The following LRRC49 variants were observed in gnomAD, a reference collection of about 807,000 sequenced individuals.
LRRC49 encodes the protein leucine-rich repeat-containing protein 49.
In LRRC49, 50 loss-of-function variants were observed where a neutral mutation model predicts 83.3. That is an observed-to-expected ratio of 0.60 (90% confidence interval 0.48 to 0.76). The LOEUF is 0.76. LRRC49 is among the 30% of genes least tolerant of loss of function. The probability of loss-of-function intolerance (pLI) is 0.00; values close to 1 mark genes in which losing one functional copy is unlikely to be tolerated. For synonymous variants in LRRC49, 286 were observed against 283.3 expected, an observed-to-expected ratio of 1.01 and a Z score of -0.10; for missense variants, 704 against 809.1, an observed-to-expected ratio of 0.87 and a Z score of 1.58.
intron 1 of LRRC49, among the ~76,000 whole-genome samples, chr15:70,872,267 C>T (rs1427278650): frequency 3.9e-5 from 6 of 152,338 alleles, no homozygotes; most frequent in Non-Finnish European, 7.3e-5. Context: ...TGGCAGCACG[C>T]GCCTGCAATC....
chr15:70,987,494 T>C (rs1308528977), intron 11 of LRRC49, among the ~76,000 whole-genome samples: 1 of 152,174 alleles, frequency 6.6e-6, no homozygotes, highest in Non-Finnish European at 1.5e-5. Context: ...CCCTTTATCA[T>C]TTTTTATTGC....
intron 14 of LRRC49, among the ~76,000 whole-genome samples, chr15:71,017,155 G>A (rs1317910410): frequency 2.0e-5 from 3 of 151,924 alleles, no homozygotes; most frequent in Admixed American, 2.0e-4. Flanking sequence ...CAAAAAGGAA[G>A]CTTAAAAATG....
At chr15:70,867,810 C>T (rs1454291549) in intron 1 of LRRC49, among the ~76,000 whole-genome samples, 1 of 152,222 alleles carries the variant, frequency 6.6e-6, no homozygotes, top group Admixed American at 6.5e-5. Flanking sequence ...CCACATCTAC[C>T]ACAATGCCTG....
intron 1 of LRRC49, chr15:70,860,170 C>A: frequency 1.5e-6 from 1 of 673,818 alleles, no homozygotes; most frequent in Non-Finnish European, 2.7e-6. Context: ...TGAACAGACG[C>A]GGCAGCCCCT....
Position 71,008,592 on chromosome 15 carries a change from G to A in LRRC49, c.1383G>A (p.Leu461=), listed in dbSNP as rs772341389. 1.8e-5 allele frequency: 29 copies of A among 1,609,754 alleles called. No individual in the cohort carries two copies. The highest frequency in any genetic ancestry group is 2.3e-5 in the Non-Finnish European group (27 of 1,176,776). Residue 461 remains leucine, a synonymous_variant, in exon 12 of 16, where the codon CTG becomes CTA. Transcript: ENST00000260382. ...AAATCGTCCAAGTGCTTCCTAAACT[G>A]AAGATTAAGTTTCCTAATTCTCTGG... ...FDEIVQVLPK[L]KIKFPNSLHL...
rs1385149428 is a variant in LRRC49 at position 71,037,127 on chromosome 15, T to TA, written c.1704-52_1704-51insA. Reference sequence around the variant, plus strand: ...TAAAGTCAACAAAAAATAGACATGTTTTAGTAAGTCTGATAAGTAACTCTC... The same window carrying TA: ...TAAAGTCAACAAAAAATAGACATGTTATTAGTAAGTCTGATAAGTAACTCTC... On this transcript the variant is annotated intron_variant, in intron 14 of 15. Coordinates refer to ENST00000260382, the MANE Select transcript of LRRC49 (RefSeq NM_017691.5). The TA allele has an allele frequency of 1.2e-5, 16 of 1,296,764 alleles. No individual in the cohort carries two copies. The Admixed American group carries it at 1.5e-4, about 12-fold the overall frequency. 80.3% of individuals were successfully genotyped at this position (1,296,764 alleles called of 1,614,324 possible).
chr15:70,989,874 G>C (rs373491892), intron 11 of LRRC49, among the ~76,000 whole-genome samples: 4 of 152,304 alleles, frequency 2.6e-5, no homozygotes, highest in South Asian at 2.1e-4. Flanking sequence ...CTGCAGGTTT[G>C]TTGGAGTTTG....
intron 11 of LRRC49, among the ~76,000 whole-genome samples, chr15:70,984,772 C>T (rs2037537907): frequency 1.8e-5 from 2 of 111,890 alleles, no homozygotes; most frequent in East Asian, 3.2e-4. Flanking sequence ...AAAGCTATCC[C>T]TCCCCCCTCC....
chr15:70,892,567 C>G, upstream of LRRC49: 1 of 1,490,244 alleles, frequency 6.7e-7, no homozygotes, highest in Non-Finnish European at 8.9e-7. Context: ...TAAAGAGGAA[C>G]GGACCGGAAG....
intron 14 of LRRC49, among the ~76,000 whole-genome samples, chr15:71,032,710 G>A (rs1443816438): frequency 1.3e-5 from 2 of 151,908 alleles, no homozygotes; most frequent in Non-Finnish European, 2.9e-5. Flanking sequence ...GTTCAACATA[G>A]GCAAATCAAT....
At chr15:71,001,988 G>A (rs1414257758) in intron 11 of LRRC49, among the ~76,000 whole-genome samples, 2 of 152,094 alleles carry the variant, frequency 1.3e-5, no homozygotes, top group Non-Finnish European at 2.9e-5. Context: ...ACCGTGCCCG[G>A]CTGTCTATCT....
rs368222942 is a variant in LRRC49, at chr15:70,897,004, C to T, written c.193+1068C>T. Among the ~76,000 whole-genome samples, 5 of 152,186 alleles carry T rather than the reference C, an allele frequency of 3.3e-5. No homozygotes were observed. The South Asian group carries it at 6.2e-4, about 19-fold the overall frequency. ...TATTTATAAAGCAAGTATTGTGTGC[C>T]GATCACTGTTTTAGGTACAGAATTA... On this transcript the variant is annotated intron_variant, in intron 3 of 15. Coordinates refer to ENST00000260382, the MANE Select transcript of LRRC49 (RefSeq NM_017691.5).
Position 70,929,989 on chromosome 15 carries a change from A to G in LRRC49, c.712-6772A>G, listed in dbSNP as rs557194431. On this transcript the variant is annotated intron_variant, in intron 7 of 15. Coordinates refer to ENST00000260382, the MANE Select transcript of LRRC49 (RefSeq NM_017691.5). ...CTCAAAGTCATCCATGAGGTTTGGGATCAACTTCCTCCAAACTCCTGTTAA... is the reference window on the plus strand; with the variant it reads ...CTCAAAGTCATCCATGAGGTTTGGGGTCAACTTCCTCCAAACTCCTGTTAA... Among the ~76,000 whole-genome samples, 4 of 152,132 alleles carry G rather than the reference A, an allele frequency of 2.6e-5. No homozygotes were observed. The East Asian group carries it at 5.8e-4, about 22-fold the overall frequency.
chr15:70,892,938 A>G lies in LRRC49; in HGVS notation c.44A>G (p.Asn15Ser). Residue 15 changes from asparagine (N) to serine (S), a missense_variant, in exon 1 of 16, where the codon AAC becomes AGC. Transcript: ENST00000260382. ...CGCTCTGTTTCTGGCCGGGCTGCGA[A>G]CAACGTAAGTTGGGCCTTCTACTTT... is the stretch of plus-strand genomic sequence containing the variant. ...KYRSVSGRAA[N>S]NVNCGLHLVI... The G allele has an allele frequency of 6.2e-7, 1 of 1,614,172 alleles. No individual in the cohort carries two copies. Among genetic ancestry groups the G allele is most frequent in the South Asian group, 1.1e-5 (1 of 91,088 alleles).
rs897996078 is a variant in LRRC49, at chr15:70,927,848, A to G, written c.711+8655A>G. On this transcript the variant is annotated intron_variant, in intron 7 of 15. Coordinates refer to ENST00000260382, the MANE Select transcript of LRRC49 (RefSeq NM_017691.5). ...TTTTTTGTAGAGATGGGGTCTTGCC[A>G]TGTTGCCTAGGCTGGTCTCAAACAC... is the stretch of plus-strand genomic sequence containing the variant. Among the ~76,000 whole-genome samples, 110 of 152,128 alleles carry G rather than the reference A, an allele frequency of 7.2e-4. 1 individual carries two copies. The highest frequency in any genetic ancestry group is 2.6e-3 in the African/African-American group (107 of 41,514).
intron 8 of LRRC49, among the ~76,000 whole-genome samples, chr15:70,956,904 C>T (rs373598666): frequency 1.3e-5 from 2 of 152,092 alleles, no homozygotes; most frequent in East Asian, 1.9e-4. Context: ...AGCAGTTGCC[C>T]GGATAGTACT....
intron 1 of LRRC49, among the ~76,000 whole-genome samples, chr15:70,858,372 C>T (rs1220351916): frequency 3.3e-5 from 5 of 152,126 alleles, no homozygotes; most frequent in East Asian, 1.9e-4. Context: ...GAGGCCGAGG[C>T]GGGCAAATCA....
intron 1 of LRRC49, chr15:70,853,776 G>T: frequency 1.3e-6 from 1 of 791,148 alleles, no homozygotes; most frequent in Non-Finnish European, 1.7e-6. Context: ...CGGCGGCGGG[G>T]CTGACTCAAC....
intron 1 of LRRC49, among the ~76,000 whole-genome samples, chr15:70,868,502 G>C (rs190242546): frequency 6.6e-6 from 1 of 152,342 alleles, no homozygotes; most frequent in African/African-American, 2.4e-5. Flanking sequence ...ACTCTTCAAT[G>C]CTTTCAACTG....
Sources: allele counts gnomAD v4.1 joint callset (sites outside exome capture counted in the v4.1 genomes callset), GRCh38; gene constraint gnomAD v4.1.1; transcripts MANE v1.5; gene names NCBI Gene and HGNC (gene_info 2026-07-23, HGNC 2026-07-21).